TDRD9: variants seen among roughly 807,000 people sequenced by gnomAD.
The protein encoded by TDRD9 is ATP-dependent RNA helicase TDRD9.
A neutral mutation model predicts 172.6 loss-of-function variants in TDRD9; 124 were observed. The ratio of observed to expected loss-of-function variants is 0.72; its 90% CI spans 0.62 to 0.83. The LOEUF (loss-of-function observed/expected upper bound fraction) is 0.83. TDRD9 is among the 40% of genes least tolerant of loss of function. TDRD9 has a pLI of 0.00. For synonymous variants in TDRD9, 619 were observed against 617.1 expected, an observed-to-expected ratio of 1.00 and a Z score of -0.05; for missense variants, 1,479 against 1,714.1, an observed-to-expected ratio of 0.86 and a Z score of 2.42.
chr14:104,005,051 T>A (rs2034390300), intron 14 of TDRD9: 2 of 386,648 alleles, frequency 5.2e-6, no homozygotes, highest in African/African-American at 4.2e-5. Flanking sequence ...TTCTCTTTTT[T>A]CTTCCTTCTC....
chr14:103,994,892 A>G (rs2034001216), intron 11 of TDRD9, among the ~76,000 whole-genome samples: 1 of 151,164 alleles, frequency 6.6e-6, no homozygotes, highest in Non-Finnish European at 1.5e-5. Context: ...TGGAGGCTGC[A>G]GTGACCCGAG....
At chr14:104,034,554 A>G (rs1356053438) in intron 31 of TDRD9, among the ~76,000 whole-genome samples, 8 of 152,174 alleles carry the variant, frequency 5.3e-5, no homozygotes, top group Admixed American at 1.3e-4. Context: ...GCGGTGGAGC[A>G]TTCTCACTTT....
intron 23 of TDRD9, among the ~76,000 whole-genome samples, chr14:104,018,939 C>G (rs1198678959): frequency 6.6e-6 from 1 of 152,122 alleles, no homozygotes; most frequent in Non-Finnish European, 1.5e-5. Flanking sequence ...AGTTCCATTT[C>G]TATGATTAAT....
At chr14:103,941,984 CACTT>C in intron 1 of TDRD9, 1 of 349,348 alleles carries the variant, frequency 2.9e-6, no homozygotes, top group South Asian at 5.1e-5. Flanking sequence ...ATAACACTAA[CACTT>C]GCTGTGAAAA....
intron 11 of TDRD9, among the ~76,000 whole-genome samples, chr14:103,995,094 G>C (rs1163280626): frequency 6.6e-6 from 1 of 152,160 alleles, no homozygotes. Flanking sequence ...TTGCTAAAAA[G>C]CTAAGATTTT....
intron 21 of TDRD9, among the ~76,000 whole-genome samples, chr14:104,015,439 A>AATTGCTCT (rs2034760133): frequency 6.6e-6 from 1 of 152,102 alleles, no homozygotes; most frequent in Non-Finnish European, 1.5e-5. Flanking sequence ...CTGGATGTAA[A>AATTGCTCT]ATTGCTCTAA....
rs2035081398 is a variant in TDRD9 at position 104,025,285 on chromosome 14, A to G, written c.2719-279A>G. ...GCGTGAGCCACTGTGCCCCGCCGAAATGCTTATATGACCTCAGAACCTTTA... is the reference window on the plus strand; with the variant it reads ...GCGTGAGCCACTGTGCCCCGCCGAAGTGCTTATATGACCTCAGAACCTTTA... On this transcript the variant is annotated intron_variant, in intron 25 of 35. Coordinates refer to ENST00000409874, the MANE Select transcript of TDRD9 (RefSeq NM_153046.3). Among the ~76,000 whole-genome samples the G allele has an allele frequency of 2.0e-5, 3 of 152,196 alleles. No individual in the cohort carries two copies. The South Asian group carries it at 6.2e-4, about 31-fold the overall frequency.
rs1170414784 is a variant in TDRD9 at position 104,014,741 on chromosome 14, A to G, written c.2123A>G (p.Glu708Gly). The G allele has an allele frequency of 2.5e-6, 4 of 1,606,836 alleles. No homozygotes were observed. The highest frequency in any genetic ancestry group is 3.3e-5 in the Admixed American group (2 of 59,916). The change falls in exon 21 of 36, where the codon GAA becomes GGA. Residue 708 changes from glutamate to glycine, a missense_variant. Around this residue, in one of 3 missense-constraint regions of TDRD9, gnomAD observed 1,413 missense variants for 1,649.1 expected, o/e 0.86. Transcript: ENST00000409874. ...TTTTCTTAGGTGGCTGAATTATATG[A>G]AGAATTGAAGACTAGAATCTCACAG... ...KRIREVAELYEELKTRISQFN... is the reference protein window; with the variant it reads ...KRIREVAELYGELKTRISQFN...
rs2031954178 is a variant in TDRD9, at chr14:103,952,218, ATATTTTTTTTTTTTTTTTTTTTTT to A, written c.216-3444_216-3421del. ...TATATATATATATATATATATATAT[ATATTTTTTTTTTTTTTTTTTTTTT>A]TTTTTTTTTTTTTTTTGAGGCAGAG... is the stretch of plus-strand genomic sequence containing the variant. On this transcript the variant is annotated intron_variant, in intron 1 of 35. Transcript: ENST00000409874. Among the ~76,000 whole-genome samples, 4 of 44,094 alleles carry A rather than the reference ATATTTTTTTTTTTTTTTTTTTTTT, an allele frequency of 9.1e-5. No individual in the cohort carries two copies. In the South Asian group the frequency reaches 3.5e-3, roughly 38 times the overall value. The allele number at this position is 44,094 out of a possible 152,430, so 28.9% of individuals were successfully genotyped here. A position where few individuals can be genotyped will look rare whatever the true frequency, so the allele number is the denominator to read the frequency against.
chr14:104,036,436 C>G (rs1014063584), intron 32 of TDRD9, among the ~76,000 whole-genome samples: 1 of 152,168 alleles, frequency 6.6e-6, no homozygotes, highest in Non-Finnish European at 1.5e-5. Flanking sequence ...GTGCAGGAAC[C>G]ACACGTGGCA....
chr14:103,944,363 G>T (rs914753791), intron 1 of TDRD9, among the ~76,000 whole-genome samples: 3 of 152,068 alleles, frequency 2.0e-5, no homozygotes, highest in African/African-American at 7.2e-5. Flanking sequence ...CTGCTTCTTT[G>T]TGTTTTTCAT....
chr14:103,938,442 T>TA (rs1566723398), intron 1 of TDRD9, among the ~76,000 whole-genome samples: 12 of 102,506 alleles, frequency 1.2e-4, no homozygotes, highest in African/African-American at 4.2e-4. Flanking sequence ...ATATATATAT[T>TA]TTTTTTTTTT....
intron 6 of TDRD9, among the ~76,000 whole-genome samples, chr14:103,973,397 G>A (rs2033115470): frequency 6.6e-6 from 1 of 152,134 alleles, no homozygotes; most frequent in South Asian, 2.1e-4. Context: ...AGGTCCCTGT[G>A]GTTCCCCCGA....
At chr14:104,032,740 T>C (rs1255049755) in intron 30 of TDRD9, among the ~76,000 whole-genome samples, 1 of 152,228 alleles carries the variant, frequency 6.6e-6, no homozygotes, top group Admixed American at 6.5e-5. Flanking sequence ...AACAGTTGTT[T>C]GTCTTCATGA....
intron 7 of TDRD9, among the ~76,000 whole-genome samples, chr14:103,985,681 C>T (rs2033634849): frequency 6.6e-6 from 1 of 152,136 alleles, no homozygotes; most frequent in Non-Finnish European, 1.5e-5. Flanking sequence ...AACCCGTAAA[C>T]CTTGGTAGAC....
At chr14:103,965,057 C>CA (rs1595922377) in intron 3 of TDRD9, among the ~76,000 whole-genome samples, 1 of 151,866 alleles carries the variant, frequency 6.6e-6, no homozygotes, top group African/African-American at 2.4e-5. Context: ...ACCAGAAATA[C>CA]AAAAATTAGC....
intron 5 of TDRD9, among the ~76,000 whole-genome samples, chr14:103,969,735 T>C (rs1427641555): frequency 6.7e-6 from 1 of 150,106 alleles, no homozygotes; most frequent in African/African-American, 2.5e-5. Context: ...CCTTGTACAT[T>C]GATGTTTCCT....
intron 7 of TDRD9, 56 bp downstream of exon 7, chr14:103,975,609 AC>A (rs1166752852): frequency 6.7e-7 from 1 of 1,491,412 alleles, no homozygotes; most frequent in Non-Finnish European, 9.0e-7. Flanking sequence ...ATTGGATCAA[AC>A]CTGCATTCAT....
intron 5 of TDRD9, among the ~76,000 whole-genome samples, chr14:103,970,331 C>T (rs958907312): frequency 1.2e-4 from 18 of 152,140 alleles, no homozygotes; most frequent in Admixed American, 1.1e-3. Flanking sequence ...AGGAGAAACA[C>T]TGGGGGCCGT....
Sources: gnomAD v4.1 joint callset for allele counts (sites outside exome capture counted in the v4.1 genomes callset) on GRCh38, gnomAD v4.1.1 for gene constraint, gnomAD v4.1.1 regional missense constraint, MANE v1.5 for transcripts, NCBI Gene and HGNC (gene_info 2026-07-23, HGNC 2026-07-21) for gene names.